PLA2G4A: variants seen among roughly 807,000 people sequenced by gnomAD.
PLA2G4A encodes phospholipase A2 group IVA.
PLA2G4A carries 40 observed loss-of-function variants against 81.9 expected under a neutral mutation model. The observed-to-expected ratio is 0.49, with a 90% CI of 0.38 to 0.64. The LOEUF is 0.64. Ranked by LOEUF, PLA2G4A falls within the 30% of genes least tolerant of loss-of-function variation. The pLI is 0.00. For missense variants in PLA2G4A, 715 were observed against 905.1 expected (o/e 0.79, Z 2.69); for synonymous variants, 302 against 296.9 (o/e 1.02, Z -0.18).
intron 8 of PLA2G4A, among the ~76,000 whole-genome samples, chr1:186,933,875 C>T (rs776300724): frequency 3.3e-5 from 5 of 152,132 alleles, no homozygotes; most frequent in South Asian, 2.1e-4. Context: ...GTTCTTTCTA[C>T]TAAACCACAC....
chr1:186,835,763 G>A (rs1651756611), intron 1 of PLA2G4A, among the ~76,000 whole-genome samples: 1 of 152,114 alleles, frequency 6.6e-6, no homozygotes, highest in South Asian at 2.1e-4. Context: ...TATATCCCTG[G>A]TTCTTAGAAG....
At chr1:186,955,094 A>G (rs938190988) in intron 13 of PLA2G4A, among the ~76,000 whole-genome samples, 2 of 152,202 alleles carry the variant, frequency 1.3e-5, no homozygotes, top group African/African-American at 4.8e-5. Flanking sequence ...AGTGCTATAA[A>G]TGACCATACA....
chr1:186,897,946 A>G (rs1017464553), intron 5 of PLA2G4A, among the ~76,000 whole-genome samples: 4 of 152,116 alleles, frequency 2.6e-5, no homozygotes, highest in Admixed American at 6.5e-5. Context: ...GTAGTTTTTC[A>G]ACTCTTGCTC....
At chr1:186,865,952 C>G (rs891543195) in intron 2 of PLA2G4A, among the ~76,000 whole-genome samples, 3 of 152,080 alleles carry the variant, frequency 2.0e-5, no homozygotes, top group African/African-American at 7.2e-5. Context: ...TCAAAGTAAT[C>G]CAAAACCTGA....
intron 3 of PLA2G4A, among the ~76,000 whole-genome samples, chr1:186,873,745 C>A (rs548179405): frequency 2.0e-5 from 3 of 152,134 alleles, no homozygotes; most frequent in Non-Finnish European, 4.4e-5. Flanking sequence ...CAGCAACAAC[C>A]AATAAACTGT....
At chr1:186,853,295 C>T (rs925836462) in intron 1 of PLA2G4A, among the ~76,000 whole-genome samples, 2 of 150,964 alleles carry the variant, frequency 1.3e-5, no homozygotes, top group African/African-American at 4.9e-5. Flanking sequence ...TTTCCTATTG[C>T]TTTAAGTATT....
At chr1:186,986,285 T>C (rs1657889422) in intron 17 of PLA2G4A, among the ~76,000 whole-genome samples, 1 of 152,228 alleles carries the variant, frequency 6.6e-6, no homozygotes, top group Non-Finnish European at 1.5e-5. Context: ...GCAGCAATCA[T>C]TGTCAGTTTA....
At chr1:186,877,671 T>C (rs1349720111) in intron 3 of PLA2G4A, among the ~76,000 whole-genome samples, 1 of 124,090 alleles carries the variant, frequency 8.1e-6, no homozygotes, top group East Asian at 2.4e-4. Context: ...AGTATAATCA[T>C]GCACTTTTAA....
chr1:186,867,344 C>A (rs1169467560), intron 2 of PLA2G4A, among the ~76,000 whole-genome samples: 1 of 152,098 alleles, frequency 6.6e-6, no homozygotes, highest in East Asian at 1.9e-4. Context: ...TATGGAATAT[C>A]TCTCCATTTA....
At chr1:186,898,012 G>A (rs959903081) in intron 5 of PLA2G4A, among the ~76,000 whole-genome samples, 1 of 151,922 alleles carries the variant, frequency 6.6e-6, no homozygotes, top group Non-Finnish European at 1.5e-5. Flanking sequence ...TCATCATTAT[G>A]TTCCTGTGTA....
At chr1:186,983,247 C>T (rs1484279427) in intron 17 of PLA2G4A, among the ~76,000 whole-genome samples, 1 of 152,162 alleles carries the variant, frequency 6.6e-6, no homozygotes, top group East Asian at 1.9e-4. Context: ...CACACTTCGG[C>T]AACACAGCAT....
At chr1:186,855,504 T>G (rs916284641) in intron 2 of PLA2G4A, among the ~76,000 whole-genome samples, 2 of 151,976 alleles carry the variant, frequency 1.3e-5, no homozygotes, top group African/African-American at 4.8e-5. Context: ...AAACCATCAC[T>G]CAGATTATAA....
intron 10 of PLA2G4A, 94 bp from the exon 11 acceptor site, chr1:186,946,543 T>A: frequency 1.1e-6 from 1 of 885,612 alleles, no homozygotes; most frequent in South Asian, 1.3e-5. Flanking sequence ...TGAATGAGAA[T>A]AAGCATAACA....
chr1:186,841,303 A>G (rs1463183249), intron 1 of PLA2G4A, among the ~76,000 whole-genome samples: 1 of 152,206 alleles, frequency 6.6e-6, no homozygotes, highest in Non-Finnish European at 1.5e-5. Context: ...TTTTCCTCAA[A>G]TTCATATCTT....
At chr1:186,881,336 G>T (rs575220861) in intron 3 of PLA2G4A, among the ~76,000 whole-genome samples, 1 of 152,032 alleles carries the variant, frequency 6.6e-6, no homozygotes, top group South Asian at 2.1e-4. Context: ...TGAGGGAAAG[G>T]CATTCCACAT....
At chr1:186,977,903 C>T in intron 16 of PLA2G4A, 115 bp downstream of exon 16, 1 of 767,004 alleles carries the variant, frequency 1.3e-6, no homozygotes, top group East Asian at 2.5e-5. Context: ...TTGAATGCTT[C>T]CCTTACCTTG....
intron 10 of PLA2G4A, among the ~76,000 whole-genome samples, chr1:186,944,173 G>T (rs1331651533): frequency 6.6e-6 from 1 of 152,104 alleles, no homozygotes; most frequent in Non-Finnish European, 1.5e-5. Flanking sequence ...AGTATAGTGG[G>T]AGGAGATGAC....
chr1:186,873,298 A>AATTTGT (rs1653351160), intron 3 of PLA2G4A, among the ~76,000 whole-genome samples: 1 of 152,052 alleles, frequency 6.6e-6, no homozygotes. Context: ...CAAATTACCA[A>AATTTGT]ATAGCTGAAT....
In PLA2G4A at chr1:186,889,691, T is replaced by G. The variant is rs78861393; in HGVS notation, c.116-3320T>G. Among the ~76,000 whole-genome samples the G allele has an allele frequency of 5.9e-3, 858 of 144,874 alleles. 11 individuals carry two copies. The highest frequency in any genetic ancestry group is 0.02 in the African/African-American group (793 of 40,546). On this transcript the variant is annotated intron_variant, in intron 3 of 17. Coordinates refer to ENST00000367466, the MANE Select transcript of PLA2G4A (RefSeq NM_024420.3). The stretch of plus-strand genomic sequence containing the variant: ...CAGACAACATCTATTTAAATTTTTT[T>G]GGGGGGGAAACCCAATCAATAGGTC...
Sources: gnomAD v4.1 joint callset for allele counts (sites outside exome capture counted in the v4.1 genomes callset) on GRCh38, gnomAD v4.1.1 for gene constraint, MANE v1.5 for transcripts, NCBI Gene and HGNC (gene_info 2026-07-23, HGNC 2026-07-21) for gene names.